POPDC2: variants seen among roughly 807,000 people sequenced by gnomAD.
POPDC2 encodes the protein popeye domain-containing protein 2.
POPDC2 carries 24 observed loss-of-function variants against 30.5 expected under a neutral mutation model. That is an observed-to-expected ratio of 0.79 (90% CI 0.57 to 1.11). The LOEUF (loss-of-function observed/expected upper bound fraction) is 1.11, where lower values mean the gene tolerates loss of function less well. Ranked by LOEUF, POPDC2 falls within the 50% of genes least tolerant of loss-of-function variation. The pLI is 0.00. For synonymous variants in POPDC2, 185 were observed against 183.3 expected (o/e 1.01, Z -0.07); for missense variants, 409 against 447.0 (o/e 0.91, Z 0.77).
chr3:119,643,926 C>A (rs141835417), intron 3 of POPDC2, among the ~76,000 whole-genome samples: 4 of 152,302 alleles, frequency 2.6e-5, no homozygotes, highest in South Asian at 2.1e-4. Flanking sequence ...AAGAACTACA[C>A]CAAATTAAGT....
At position 119,648,344 on chromosome 3, in the gene POPDC2, G is replaced by C. The variant is rs993035544; in HGVS notation, c.925C>G (p.Pro309Ala). ...ATPTSLQQTP[P>A]CSTPPATTNF... ...GTGGTAGCTGGAGGGGTAGAACAAG[G>C]GGGTGTTTGCTGGAGAGAGGTGGGT... is the stretch of plus-strand genomic sequence containing the variant. The change falls in exon 3 of 4, where the codon CCT (proline) becomes GCT (alanine). Residue 309 changes from proline (P) to alanine (A), a missense_variant. Transcript: ENST00000493094. The C allele has an allele frequency of 3.1e-6, 5 of 1,614,162 alleles. No individual in the cohort carries two copies. The highest frequency in any genetic ancestry group is 1.7e-5 in the Admixed American group (1 of 60,020).
chr3:119,654,444 G>A (rs575885415), intron 2 of POPDC2, 61 bp downstream of exon 2: 80 of 1,128,154 alleles, frequency 7.1e-5, no homozygotes, highest in Non-Finnish European at 9.8e-5. Context: ...ATGGAGGCAC[G>A]GATATTGCTG....
intron 2 of POPDC2, 125 bp downstream of exon 2, chr3:119,654,380 C>T (rs879714669): frequency 2.6e-4 from 180 of 685,866 alleles, no homozygotes; most frequent in Admixed American, 4.0e-4. Context: ...AGAGTGCCCC[C>T]GCCTGTAGCT....
chr3:119,647,974 T>A (rs1056983319), intron 3 of POPDC2, 145 bp downstream of exon 3: 1 of 571,780 alleles, frequency 1.7e-6, no homozygotes, highest in Non-Finnish European at 3.0e-6. Flanking sequence ...CCGGAGTGAG[T>A]TGCTATCTTC....
intron 1 of POPDC2, among the ~76,000 whole-genome samples, chr3:119,659,139 A>G (rs2052911534): frequency 6.6e-6 from 1 of 152,220 alleles, no homozygotes; most frequent in Non-Finnish European, 1.5e-5. Flanking sequence ...ATCCAGGTTG[A>G]CTGGGCATAC....
chr3:119,656,401 A>G (rs2052879732), intron 1 of POPDC2, among the ~76,000 whole-genome samples: 1 of 152,184 alleles, frequency 6.6e-6, no homozygotes, highest in Non-Finnish European at 1.5e-5. Context: ...TTAAGTCTTA[A>G]GTCATTAACT....
chr3:119,658,916 C>CTTTT (rs35687726), intron 1 of POPDC2, among the ~76,000 whole-genome samples: 3 of 139,650 alleles, frequency 2.1e-5, no homozygotes, highest in African/African-American at 2.7e-5. Context: ...TCTGGATTTG[C>CTTTT]TTTTTTTTTT....
intron 1 of POPDC2, 87 bp downstream of exon 1, chr3:119,659,829 GGGGACACGAAATGGAAA>G: frequency 7.3e-7 from 1 of 1,371,124 alleles, no homozygotes. Flanking sequence ...CTCAATGGAA[GGGGACACGAAATGGAAA>G]GGGACATGAA....
intron 1 of POPDC2, among the ~76,000 whole-genome samples, chr3:119,658,125 G>C (rs1424437795): frequency 6.6e-6 from 1 of 152,154 alleles, no homozygotes; most frequent in Non-Finnish European, 1.5e-5. Flanking sequence ...CTGCTGCTTT[G>C]AGATGTTTGG....
intron 1 of POPDC2, among the ~76,000 whole-genome samples, chr3:119,655,127 G>A (rs1245357152): frequency 1.3e-5 from 2 of 152,158 alleles, no homozygotes; most frequent in African/African-American, 2.4e-5. Context: ...AGGAGTTCGA[G>A]ACCAGCCTGG....
chr3:119,657,911 C>T (rs756390185), intron 1 of POPDC2, among the ~76,000 whole-genome samples: 3 of 152,228 alleles, frequency 2.0e-5, no homozygotes, highest in Non-Finnish European at 4.4e-5. Context: ...ATGAGAGAAA[C>T]GTCTAAGTTA....
intron 1 of POPDC2, among the ~76,000 whole-genome samples, chr3:119,656,709 C>T (rs1451112325): frequency 6.6e-6 from 1 of 152,190 alleles, no homozygotes; most frequent in African/African-American, 2.4e-5. Flanking sequence ...CTCAGAGTTT[C>T]ATCTTTAACC....
At chr3:119,659,841 T>A in intron 1 of POPDC2, 92 bp downstream of exon 1, 1 of 1,423,184 alleles carries the variant, frequency 7.0e-7, no homozygotes, top group Non-Finnish European at 9.4e-7. Context: ...GGACACGAAA[T>A]GGAAAGGGAC....
rs370632589 is a variant in POPDC2 at position 119,648,270 on chromosome 3, A to G, written c.999T>C (p.Ser333=). The G allele has an allele frequency of 1.9e-6, 3 of 1,613,744 alleles. No homozygotes were observed. In the African/African-American group the frequency reaches 4.0e-5, roughly 22 times the overall value. The change falls in exon 3 of 4, where the codon AGT becomes AGC. Residue 333 remains serine (S), a synonymous_variant. Coordinates refer to ENST00000493094, the MANE Select transcript of POPDC2 (RefSeq NM_001369919.2). ...PTRARLSRPD[S]GILGEDSTSL... ...TGGTGGAGTCCTCACCCAGTATGCC[A>G]CTGTCTGGCCTGGACAACCTGGCCC...
Position 119,660,063 on chromosome 3 carries a change from C to T in POPDC2, c.361G>A (p.Val121Met), listed in dbSNP as rs146321019. 183 of 1,614,230 alleles carry T rather than the reference C, an allele frequency of 1.1e-4. No individual in the cohort carries two copies. Among genetic ancestry groups the T allele is most frequent in the Non-Finnish European group, 1.5e-4 (172 of 1,180,034 alleles). ...ATCTCCTTGTATGTCTGTAGGGGCA[C>T]CTGCAAGGGCAGGCACAGCGTCTTG... ...LYKTLCLPLQ[V>M]PLQTYKEIVH... is the part of the protein sequence containing the mutation. Residue 121 changes from valine to methionine, a missense_variant, in exon 1 of 4, where the codon GTG becomes ATG. Val to Met is a conservative substitution (Grantham distance 21). Coordinates refer to ENST00000493094, the MANE Select transcript of POPDC2 (RefSeq NM_001369919.2).
intron 3 of POPDC2, 115 bp downstream of exon 3, chr3:119,648,004 T>C: frequency 1.1e-6 from 1 of 879,384 alleles, no homozygotes; most frequent in Non-Finnish European, 1.6e-6. Flanking sequence ...TTAATGCCAC[T>C]TTCTGTGAGT....
chr3:119,646,126 C>T (rs2107813486), intron 3 of POPDC2, among the ~76,000 whole-genome samples: 1 of 152,058 alleles, frequency 6.6e-6, no homozygotes, highest in African/African-American at 2.4e-5. Context: ...GGGAAAAGTA[C>T]TGATCTTTGG....
intron 3 of POPDC2, 99 bp downstream of exon 3, chr3:119,648,019 TA>T: frequency 2.0e-6 from 2 of 1,022,296 alleles, no homozygotes; most frequent in African/African-American, 1.6e-5. Flanking sequence ...GTGAGTCCTC[TA>T]AGAGGAAATG....
chr3:119,645,938 G>C (rs991552245), intron 3 of POPDC2, among the ~76,000 whole-genome samples: 4 of 152,162 alleles, frequency 2.6e-5, no homozygotes. Context: ...GTGAGGTATG[G>C]TTTGCAAAAA....
Sources: allele counts gnomAD v4.1 joint callset (sites outside exome capture counted in the v4.1 genomes callset), GRCh38; gene constraint gnomAD v4.1.1; transcripts MANE v1.5; gene names NCBI Gene and HGNC (gene_info 2026-07-23, HGNC 2026-07-21).